BCAS3: variants seen among roughly 807,000 people sequenced by gnomAD.
BCAS3 encodes BCAS4/BCAS3 fusion.
A neutral mutation model predicts 116.1 loss-of-function variants in BCAS3; 53 were observed. That is an observed-to-expected ratio of 0.46 (90% confidence interval 0.37 to 0.57). BCAS3 has a LOEUF of 0.57. Among genes scored for constraint, BCAS3 ranks in the 20% least tolerant of loss-of-function variants. BCAS3 has a pLI of 0.00. For missense variants in BCAS3, 917 were observed against 1,165.4 expected, an observed-to-expected ratio of 0.79 and a Z score of 3.10; for synonymous variants, 391 against 408.2, an observed-to-expected ratio of 0.96 and a Z score of 0.51.
Position 61,068,844 on chromosome 17 carries a change from A to G in BCAS3, c.2030-6076A>G, listed in dbSNP as rs1203162457. On this transcript the variant is annotated intron_variant, in intron 19 of 23. Coordinates refer to ENST00000407086, the MANE Select transcript of BCAS3 (RefSeq NM_017679.5). The surrounding 1 kb of genome is among the most constrained non-coding windows in gnomAD (Gnocchi z 4.3). Reference sequence around the variant, plus strand: ...AGCATGGAAACTTTGCTCTTATCATATTTTCTTTTTATCAAGGTTGTAAAT... The same window carrying G: ...AGCATGGAAACTTTGCTCTTATCATGTTTTCTTTTTATCAAGGTTGTAAAT... 6.6e-6 allele frequency among the ~76,000 whole-genome samples: 1 copy of G among 152,088 alleles called. No homozygotes were observed. Among genetic ancestry groups the G allele is most frequent in the Non-Finnish European group, 1.5e-5 (1 of 68,016 alleles).
intron 19 of BCAS3, among the ~76,000 whole-genome samples, chr17:61,046,661 T>C (rs1289855063): frequency 6.6e-6 from 1 of 151,966 alleles, no homozygotes; most frequent in African/African-American, 2.4e-5. Flanking sequence ...CCTTTTTTTT[T>C]TCACAGAATA....
At chr17:60,950,208 T>C (rs866164410) in intron 14 of BCAS3, among the ~76,000 whole-genome samples, 1 of 152,144 alleles carries the variant, frequency 6.6e-6, no homozygotes. Flanking sequence ...CAAAAGTATT[T>C]ACAGATGTCT....
Position 61,118,896 on chromosome 17 carries a change from C to A in BCAS3, c.2425+34332C>A, listed in dbSNP as rs2143794509. Among the ~76,000 whole-genome samples the A allele has an allele frequency of 6.6e-6, 1 of 151,996 alleles. No individual in the cohort carries two copies. Among genetic ancestry groups the A allele is most frequent in the East Asian group, 1.9e-4 (1 of 5,180 alleles). Reference sequence around the variant, plus strand: ...CTGGTTTTTTTTTTGTTTCTTATTGCATACTAACACTACCCCCAAAATGCA... The same window carrying A: ...CTGGTTTTTTTTTTGTTTCTTATTGAATACTAACACTACCCCCAAAATGCA... On this transcript the variant is annotated intron_variant, in intron 22 of 23. Transcript: ENST00000407086. The surrounding 1 kb of genome is among the most constrained non-coding windows in gnomAD (Gnocchi z 5.0).
At position 61,122,262 on chromosome 17, in the gene BCAS3, C is replaced by T. The variant is rs932708682; in HGVS notation, c.2425+37698C>T. 1.3e-5 allele frequency among the ~76,000 whole-genome samples: 2 copies of T among 152,154 alleles called. No individual in the cohort carries two copies. Among genetic ancestry groups the T allele is most frequent in the African/African-American group, 4.8e-5 (2 of 41,432 alleles). ...TGTGATGTGAATAAGTAAAAATTTA[C>T]TAGAGTCTCTGATATGACTTGAGGA... On this transcript the variant is annotated intron_variant, in intron 22 of 23. Coordinates refer to ENST00000407086, the MANE Select transcript of BCAS3 (RefSeq NM_017679.5). This position sits in a 1 kb window ranked among gnomAD's most constrained non-coding sequence, Gnocchi z 4.6.
At chr17:60,758,484 A>G (rs2043204437) in intron 6 of BCAS3, among the ~76,000 whole-genome samples, 1 of 151,964 alleles carries the variant, frequency 6.6e-6, no homozygotes, top group Non-Finnish European at 1.5e-5. Flanking sequence ...CGGTTCAAAC[A>G]GTTCTTCTGC....
Position 61,352,544 on chromosome 17 carries a change from A to C in BCAS3, c.2426-15783A>C, listed in dbSNP as rs1250270919. On this transcript the variant is annotated intron_variant, in intron 22 of 23. Coordinates refer to ENST00000407086, the MANE Select transcript of BCAS3 (RefSeq NM_017679.5). This position sits in a 1 kb window ranked among gnomAD's most constrained non-coding sequence, Gnocchi z 4.7. ...GTTGGCCTCGGTGGAGTAGAAGTGG[A>C]GGGAAGGAGGGGTGATGCTGACCCC... 6.6e-6 allele frequency among the ~76,000 whole-genome samples: 1 copy of C among 152,008 alleles called. No individual in the cohort carries two copies. Among genetic ancestry groups the C allele is most frequent in the Non-Finnish European group, 1.5e-5 (1 of 67,974 alleles).
intron 6 of BCAS3, among the ~76,000 whole-genome samples, chr17:60,757,869 A>G: frequency 6.6e-6 from 1 of 151,972 alleles, no homozygotes; most frequent in East Asian, 1.9e-4. Context: ...CCATATATAT[A>G]TATTTAGTAG....
intron 22 of BCAS3, among the ~76,000 whole-genome samples, chr17:61,296,969 G>A (rs895743022): frequency 6.6e-6 from 1 of 152,150 alleles, no homozygotes; most frequent in Non-Finnish European, 1.5e-5. Flanking sequence ...TTTAAACAAG[G>A]TAATATGATC....
intron 6 of BCAS3, among the ~76,000 whole-genome samples, chr17:60,775,067 GAA>G (rs918794489): frequency 3.9e-5 from 6 of 152,020 alleles, no homozygotes; most frequent in African/African-American, 1.4e-4. Context: ...TATAAATAAA[GAA>G]AAAAATAAAT....
At position 61,186,313 on chromosome 17, in the gene BCAS3, T is replaced by C. The variant is rs1319083089; in HGVS notation, c.2425+101749T>C. Among the ~76,000 whole-genome samples, 2 of 152,332 alleles carry C rather than the reference T, an allele frequency of 1.3e-5. No individual in the cohort carries two copies. Among genetic ancestry groups the C allele is most frequent in the Non-Finnish European group, 2.9e-5 (2 of 68,014 alleles). On this transcript the variant is annotated intron_variant, in intron 22 of 23. Transcript: ENST00000407086. This position sits in a 1 kb window ranked among gnomAD's most constrained non-coding sequence, Gnocchi z 4.9. ...AGGTTGTCTTTATTACAGTTAGTTA[T>C]CCATCCCTATATCTTAGCTGTTTTC...
intron 22 of BCAS3, among the ~76,000 whole-genome samples, chr17:61,301,551 C>T (rs2053437750): frequency 1.3e-5 from 2 of 151,994 alleles, no homozygotes; most frequent in Non-Finnish European, 2.9e-5. Context: ...TCAGGAGAAT[C>T]GCTTGAACCC....
chr17:60,791,521 G>A (rs2046767187), intron 6 of BCAS3, among the ~76,000 whole-genome samples: 1 of 151,478 alleles, frequency 6.6e-6, no homozygotes, highest in Non-Finnish European at 1.5e-5. Context: ...GGGCATGGCG[G>A]CGCATGTCTG....
chr17:60,827,098 C>T (rs1228982583), intron 7 of BCAS3, among the ~76,000 whole-genome samples: 1 of 152,130 alleles, frequency 6.6e-6, no homozygotes, highest in Non-Finnish European at 1.5e-5. Flanking sequence ...GTCACATAGA[C>T]CTAGCTGTGA....
In BCAS3 at chr17:61,037,394, A is replaced by G. The variant is rs944913611; in HGVS notation, c.1763-495A>G. 1.3e-5 allele frequency among the ~76,000 whole-genome samples: 2 copies of G among 152,178 alleles called. No individual in the cohort carries two copies. The highest frequency in any genetic ancestry group is 3.2e-3 in the Middle Eastern group (1 of 316). On this transcript the variant is annotated intron_variant, in intron 17 of 23. Transcript: ENST00000407086. The surrounding 1 kb of genome is among the most constrained non-coding windows in gnomAD (Gnocchi z 4.7). ...AAGTAAGTTGCTTAAGATTGAAAAT[A>G]CTCTGATATCATAGACATTTTCATA...
intron 22 of BCAS3, among the ~76,000 whole-genome samples, chr17:61,284,718 CTA>C (rs1216683941): frequency 3.3e-5 from 5 of 151,404 alleles, no homozygotes; most frequent in Admixed American, 6.6e-5. Context: ...GCTTTTCAGC[CTA>C]TGTGGGCATT....
chr17:60,991,932 G>T (rs1327960741), intron 15 of BCAS3, among the ~76,000 whole-genome samples: 1 of 151,980 alleles, frequency 6.6e-6, no homozygotes, highest in Non-Finnish European at 1.5e-5. Flanking sequence ...CCACATTGTA[G>T]TATATATTAA....
At chr17:61,038,190 C>G in intron 18 of BCAS3, 136 bp downstream of exon 18, 1 of 734,400 alleles carries the variant, frequency 1.4e-6, no homozygotes, top group Non-Finnish European at 2.1e-6. Flanking sequence ...ACAAATACAT[C>G]ACTCTCAAAT....
rs995989069 is a variant in BCAS3 at position 61,309,114 on chromosome 17, C to T, written c.2426-59213C>T. Reference sequence around the variant, plus strand: ...TTCTTGACTGAAACAAGGGTTAGTTCCCTACCTCCATGCCCGTCAAGGAGT... The same window carrying T: ...TTCTTGACTGAAACAAGGGTTAGTTTCCTACCTCCATGCCCGTCAAGGAGT... On this transcript the variant is annotated intron_variant, in intron 22 of 23. Coordinates refer to ENST00000407086, the MANE Select transcript of BCAS3 (RefSeq NM_017679.5). This position sits in a 1 kb window ranked among gnomAD's most constrained non-coding sequence, Gnocchi z 4.6. 6.7e-6 allele frequency among the ~76,000 whole-genome samples: 1 copy of T among 150,018 alleles called. No individual in the cohort carries two copies. The highest frequency in any genetic ancestry group is 6.6e-5 in the Admixed American group (1 of 15,150).
rs1314415256 is a variant in BCAS3 at position 60,697,726 on chromosome 17, A to G, written c.214+7965A>G. 2.0e-5 allele frequency among the ~76,000 whole-genome samples: 3 copies of G among 152,156 alleles called. No homozygotes were observed. The East Asian group carries it at 5.8e-4, about 29-fold the overall frequency. Reference sequence around the variant, plus strand: ...AGTATACTGAGTGCAGTCATGGAAGATTCACAGATAAGTTAAGACTGGACA... The same window carrying G: ...AGTATACTGAGTGCAGTCATGGAAGGTTCACAGATAAGTTAAGACTGGACA... On this transcript the variant is annotated intron_variant, in intron 4 of 23. Transcript: ENST00000407086.
Sources: gnomAD v4.1 joint callset for allele counts (sites outside exome capture counted in the v4.1 genomes callset) on GRCh38, gnomAD v4.1.1 for gene constraint, Gnocchi (gnomAD v3.1) non-coding constraint, MANE v1.5 for transcripts, NCBI Gene and HGNC (gene_info 2026-07-23, HGNC 2026-07-21) for gene names.